Variants in CCM2L observed in about 807,000 individuals in gnomAD.
The protein encoded by CCM2L is CCM2 like scaffold protein, also known as cerebral cavernous malformations 2 protein-like.
Under a neutral mutation model 54.1 loss-of-function variants are expected in CCM2L, and 36 were observed. The observed-to-expected ratio is 0.67, with a 90% CI of 0.51 to 0.88. The LOEUF (loss-of-function observed/expected upper bound fraction) is 0.88, where lower values mean the gene tolerates loss of function less well. Ranked by LOEUF, CCM2L falls within the 40% of genes least tolerant of loss-of-function variation. The probability of loss-of-function intolerance (pLI) is 0.00; values close to 1 mark genes in which losing one functional copy is unlikely to be tolerated. For synonymous variants in CCM2L, 351 were observed against 359.3 expected (o/e 0.98, Z 0.26); for missense variants, 700 against 812.1 (o/e 0.86, Z 1.68).
rs1357200732 is a variant in CCM2L at position 32,014,959 on chromosome 20, C to T, written c.86C>T (p.Ala29Val). ...TTCCCCAAGGCCGGGCGCCGGGCAG[C>T]CTGTAGGAGCAGCGTGAGCCGCCGG... Reference protein sequence around the residue: ...LVFPKAGRRAACRSSVSRRPL... With the variant: ...LVFPKAGRRAVCRSSVSRRPL... Residue 29 changes from alanine to valine, a missense_variant, in exon 2 of 10, where the codon GCC becomes GTC. Physicochemically the swap from Ala to Val is moderately conservative, Grantham distance 64. Coordinates refer to ENST00000452892, the MANE Select transcript of CCM2L (RefSeq NM_001365692.1). 1 of 1,601,704 alleles carries T rather than the reference C, an allele frequency of 6.2e-7. No individual in the cohort carries two copies. Among genetic ancestry groups the T allele is most frequent in the Non-Finnish European group, 8.5e-7 (1 of 1,174,164 alleles).
At chr20:32,030,927 G>T in intron 9 of CCM2L, 74 bp from the exon 10 acceptor site, 2 of 1,248,266 alleles carry the variant, frequency 1.6e-6, no homozygotes, top group Non-Finnish European at 1.1e-6. Context: ...ACCCAGATCT[G>T]CAGAGAGGAC....
intron 1 of CCM2L, among the ~76,000 whole-genome samples, chr20:32,011,012 G>A (rs2064689486): frequency 6.6e-6 from 1 of 152,184 alleles, no homozygotes; most frequent in Non-Finnish European, 1.5e-5. Context: ...TTCTGACTCT[G>A]AAGTTTTCTA....
rs552771372 is a variant in CCM2L at position 32,029,760 on chromosome 20, C to T, written c.1324C>T (p.Arg442Trp). 9.9e-6 allele frequency: 16 copies of T among 1,613,310 alleles called. No homozygotes were observed. Among genetic ancestry groups the T allele is most frequent in the East Asian group, 8.9e-5 (4 of 44,842 alleles). The stretch of plus-strand genomic sequence containing the variant: ...GTTTGCGATGCTGCTGCGGGAGTAC[C>T]GGCTGGGGCTGCCCATCCAGGACTA... ...QQFAMLLREY[R>W]LGLPIQDYCT... Residue 442 changes from arginine (R) to tryptophan (W), a missense_variant, in exon 9 of 10, where the codon CGG (arginine) becomes TGG (tryptophan). Physicochemically the swap from Arg to Trp is moderately radical, Grantham distance 101. Coordinates refer to ENST00000452892, the MANE Select transcript of CCM2L (RefSeq NM_001365692.1).
At chr20:32,025,242 CTTTCTTTTTCTTTTCT>C (rs762540477) in intron 6 of CCM2L, among the ~76,000 whole-genome samples, 15 of 105,296 alleles carry the variant, frequency 1.4e-4, no homozygotes, top group South Asian at 2.9e-4. Context: ...CTCTTTCTTT[CTTTCTTTTTCTTTTCT>C]TTTCTTTTTC....
At chr20:32,026,332 A>G (rs1034446259) in intron 7 of CCM2L, among the ~76,000 whole-genome samples, 1 of 152,112 alleles carries the variant, frequency 6.6e-6, no homozygotes, top group Non-Finnish European at 1.5e-5. Context: ...TCAACATTTC[A>G]TGGTTGTTAG....
Position 32,019,012 on chromosome 20 carries a change from C to A in CCM2L, c.536C>A (p.Pro179Gln). The change falls in exon 5 of 10, where the codon CCG becomes CAG. Residue 179 changes from proline (P) to glutamine (Q), a missense_variant. By Grantham distance (76) the Pro-to-Gln change is moderately conservative. Coordinates refer to ENST00000452892, the MANE Select transcript of CCM2L (RefSeq NM_001365692.1). ...GGCGGCGCAGGACGCGACCCCGGCCCGCCAGGCGGGGCGCCCGAGAAGCGG... is the reference window on the plus strand; with the variant it reads ...GGCGGCGCAGGACGCGACCCCGGCCAGCCAGGCGGGGCGCCCGAGAAGCGG... ...SPGGAGRDPG[P>Q]PGGAPEKRRV... 1 of 1,337,358 alleles carries A rather than the reference C, an allele frequency of 7.5e-7. No homozygotes were observed. The highest frequency in any genetic ancestry group is 9.5e-7 in the Non-Finnish European group (1 of 1,052,330). The allele number at this position is 1,337,358 out of a possible 1,614,324, so 82.8% of individuals were successfully genotyped here. A position where few individuals can be genotyped will look rare whatever the true frequency, so the allele number is the denominator to read the frequency against.
intron 1 of CCM2L, among the ~76,000 whole-genome samples, chr20:32,013,620 T>G (rs2064712650): frequency 6.6e-6 from 1 of 151,092 alleles, no homozygotes. Flanking sequence ...TTTTTTTTTT[T>G]GGCATATTTT....
At chr20:32,021,905 C>T (rs1210251122) in intron 5 of CCM2L, among the ~76,000 whole-genome samples, 1 of 152,180 alleles carries the variant, frequency 6.6e-6, no homozygotes, top group Non-Finnish European at 1.5e-5. Flanking sequence ...AATGCCTATC[C>T]TGGGTTACGT....
intron 1 of CCM2L, among the ~76,000 whole-genome samples, chr20:32,013,408 G>T (rs943818534): frequency 6.6e-6 from 1 of 152,112 alleles, no homozygotes; most frequent in African/African-American, 2.4e-5. Flanking sequence ...AGCTCCCCCC[G>T]TAGTTCGTGT....
rs1343268674 is a variant in CCM2L at position 32,030,996 on chromosome 20, C to T, written c.1403-5C>T. ...TGGGGACTCACCATGCCCCTCGGCT[C>T]GCAGGGATGCGGCCCTTCATCCCGG... On this transcript the variant is annotated splice_polypyrimidine_tract_variant and splice_region_variant and intron_variant, in intron 9 of 9. Coordinates refer to ENST00000452892, the MANE Select transcript of CCM2L (RefSeq NM_001365692.1). 2.3e-6 allele frequency: 3 copies of T among 1,303,886 alleles called. No individual in the cohort carries two copies. The highest frequency in any genetic ancestry group is 1.2e-5 in the South Asian group (1 of 81,024). The allele number at this position is 1,303,886 out of a possible 1,614,324, so 80.8% of individuals were successfully genotyped here.
chr20:32,018,196 C>G (rs867519170), intron 4 of CCM2L, 34 bp downstream of exon 4: 923 of 9,798 alleles, frequency 0.094, 9 homozygotes, highest in Non-Finnish European at 0.14. Flanking sequence ...GGGGGAGGGG[C>G]GGGGGCGGGG....
chr20:32,023,177 G>A, intron 6 of CCM2L, among the ~76,000 whole-genome samples: 1 of 151,728 alleles, frequency 6.6e-6, no homozygotes, highest in East Asian at 1.9e-4. Flanking sequence ...TCACCGTCTT[G>A]ACCAGGCTGG....
At chr20:32,020,065 G>A (rs1267647036) in intron 5 of CCM2L, among the ~76,000 whole-genome samples, 1 of 152,156 alleles carries the variant, frequency 6.6e-6, no homozygotes, top group Non-Finnish European at 1.5e-5. Flanking sequence ...TTGAGTGCCA[G>A]CTCTGGGCTA....
chr20:32,018,914 GC>G, intron 4 of CCM2L, 28 bp from the exon 5 acceptor site: 1 of 1,279,704 alleles, frequency 7.8e-7, no homozygotes, highest in South Asian at 2.4e-5. Flanking sequence ...CCCGATCCCC[GC>G]GGCTGACGGT....
At chr20:32,030,696 G>A (rs769842969) in intron 9 of CCM2L, among the ~76,000 whole-genome samples, 20 of 151,726 alleles carry the variant, frequency 1.3e-4, no homozygotes, top group African/African-American at 3.6e-4. Context: ...TTAGCAGGGC[G>A]TGGTGGTGTG....
At chr20:32,014,756 C>A in intron 1 of CCM2L, 148 bp from the exon 2 acceptor site, 1 of 746,552 alleles carries the variant, frequency 1.3e-6, no homozygotes, top group Non-Finnish European at 2.1e-6. Flanking sequence ...GGTTTACTTT[C>A]TCCATCTGTA....
At position 32,031,123 on chromosome 20, in the gene CCM2L, T is replaced by A. The variant is rs574083033; in HGVS notation, c.1525T>A (p.Ser509Thr). ...SFGRIKRSMS[S>T]TSASAVRSYD... ...CGGCCGCATCAAGCGCAGCATGAGCTCCACGTCGGCCTCCGCAGTGCGCAG... is the reference window on the plus strand; with the variant it reads ...CGGCCGCATCAAGCGCAGCATGAGCACCACGTCGGCCTCCGCAGTGCGCAG... Residue 509 changes from serine (S) to threonine (T), a missense_variant, in exon 10 of 10, where the codon TCC becomes ACC. Ser to Thr is a moderately conservative substitution (Grantham distance 58). Coordinates refer to ENST00000452892, the MANE Select transcript of CCM2L (RefSeq NM_001365692.1). 1.3e-5 allele frequency: 17 copies of A among 1,304,152 alleles called. No individual in the cohort carries two copies. The highest frequency in any genetic ancestry group is 9.2e-5 in the Admixed American group (4 of 43,562). The allele number at this position is 1,304,152 out of a possible 1,614,324, so 80.8% of individuals were successfully genotyped here.
chr20:32,025,841 G>C lies in CCM2L; in HGVS notation c.1070-15G>C. 1 of 1,303,394 alleles carries C rather than the reference G, an allele frequency of 7.7e-7. No homozygotes were observed. The highest frequency in any genetic ancestry group is 1.0e-6 in the Non-Finnish European group (1 of 988,750). The allele number at this position is 1,303,394 out of a possible 1,614,324, so 80.7% of individuals were successfully genotyped here. On this transcript the variant is annotated splice_polypyrimidine_tract_variant and intron_variant, in intron 6 of 9. Transcript: ENST00000452892. ...CTTTGCTGCCTCTGACAGTCCCTCT[G>C]TCTGCTGGTCCCAGGTGAGAGCTGC...
chr20:32,014,361 G>A (rs1419831641), intron 1 of CCM2L, among the ~76,000 whole-genome samples: 2 of 151,170 alleles, frequency 1.3e-5, no homozygotes, highest in African/African-American at 4.9e-5. Context: ...TGCCTCCTGG[G>A]TTCAAGTGAT....
Sources: allele counts gnomAD v4.1 joint callset (sites outside exome capture counted in the v4.1 genomes callset), GRCh38; gene constraint gnomAD v4.1.1; transcripts MANE v1.5; gene names NCBI Gene and HGNC (gene_info 2026-07-23, HGNC 2026-07-21).